EPS15L1: variants seen among roughly 807,000 people sequenced by gnomAD.
EPS15L1 encodes epidermal growth factor receptor substrate 15-like 1.
EPS15L1 carries 43 observed loss-of-function variants against 117.1 expected under a neutral mutation model. The ratio of observed to expected loss-of-function variants is 0.37; its 90% CI spans 0.29 to 0.47. The LOEUF (loss-of-function observed/expected upper bound fraction) is 0.47, where lower values mean the gene tolerates loss of function less well. EPS15L1 is among the 20% of genes least tolerant of loss of function. The pLI is 0.99. For synonymous variants in EPS15L1, 459 were observed against 470.5 expected (o/e 0.98, Z 0.32); for missense variants, 981 against 1,164.0 (o/e 0.84, Z 2.29).
chr19:16,466,161 G>T (rs2145203181), intron 1 of EPS15L1, among the ~76,000 whole-genome samples: 1 of 152,086 alleles, frequency 6.6e-6, no homozygotes, highest in Non-Finnish European at 1.5e-5. Context: ...GCTAATTTTT[G>T]TATTTTAGTA....
At position 16,471,867 on chromosome 19, in the gene EPS15L1, C is replaced by T; in HGVS notation, c.33+46G>A. 1.7e-6 allele frequency: 2 copies of T among 1,197,432 alleles called. No homozygotes were observed. The highest frequency in any genetic ancestry group is 3.4e-5 in the East Asian group (1 of 29,772). The allele number at this position is 1,197,432 out of a possible 1,614,324, so 74.2% of individuals were successfully genotyped here. ...CTCAGCCTCGCCGCACCGCTCGCCT[C>T]GCGCCCCGCACCCCGGCGCCGCCCC... On this transcript the variant is annotated intron_variant, in intron 1 of 23. Transcript: ENST00000455140. The surrounding 1 kb of genome is among the most constrained non-coding windows in gnomAD (Gnocchi z 4.8).
chr19:16,389,439 G>C (rs542425003), intron 19 of EPS15L1, among the ~76,000 whole-genome samples: 1 of 152,244 alleles, frequency 6.6e-6, no homozygotes, highest in East Asian at 1.9e-4. Flanking sequence ...GGGCAACAGA[G>C]TGAGACTCTG....
chr19:16,419,171 C>T (rs1456308478), intron 10 of EPS15L1, among the ~76,000 whole-genome samples: 1 of 152,212 alleles, frequency 6.6e-6, no homozygotes, highest in Non-Finnish European at 1.5e-5. Flanking sequence ...ATCAAGGAGC[C>T]AGCCAGGGCC....
At chr19:16,414,298 G>A (rs1258085928) in intron 12 of EPS15L1, among the ~76,000 whole-genome samples, 1 of 152,104 alleles carries the variant, frequency 6.6e-6, no homozygotes, top group Non-Finnish European at 1.5e-5. Flanking sequence ...AATGAGCCTA[G>A]AAACAGATTC....
At chr19:16,441,836 C>CG (rs1056208937) in intron 3 of EPS15L1, 56 bp downstream of exon 3, 2 of 1,426,976 alleles carry the variant, frequency 1.4e-6, no homozygotes, top group African/African-American at 1.4e-5. Flanking sequence ...CCCTGACCTG[C>CG]GGGGGGAGCT....
chr19:16,455,221 GATCCT>G (rs2093183299), intron 1 of EPS15L1, among the ~76,000 whole-genome samples: 1 of 152,180 alleles, frequency 6.6e-6, no homozygotes, highest in African/African-American at 2.4e-5. Flanking sequence ...GGGCTTAAGT[GATCCT>G]CCTGCCTTAG....
intron 10 of EPS15L1, among the ~76,000 whole-genome samples, chr19:16,420,319 C>T (rs2092801304): frequency 6.6e-6 from 1 of 152,238 alleles, no homozygotes; most frequent in Non-Finnish European, 1.5e-5. Flanking sequence ...TTTCCCTCTA[C>T]TGACCCCTAG....
intron 19 of EPS15L1, among the ~76,000 whole-genome samples, chr19:16,389,681 G>T (rs1163144450): frequency 9.2e-5 from 14 of 152,090 alleles, no homozygotes; most frequent in Non-Finnish European, 1.8e-4. Flanking sequence ...CAGTCTTATG[G>T]AGTTTCTAAT....
chr19:16,360,946 G>A (rs2092042023), intron 23 of EPS15L1, among the ~76,000 whole-genome samples: 1 of 152,094 alleles, frequency 6.6e-6, no homozygotes, highest in African/African-American at 2.4e-5. Context: ...CCCAAAGGAA[G>A]AAAGCGAGGG....
intron 1 of EPS15L1, among the ~76,000 whole-genome samples, chr19:16,461,496 C>T (rs974137526): frequency 1.4e-4 from 21 of 151,694 alleles, no homozygotes; most frequent in African/African-American, 4.9e-4. Context: ...GTGGCATACA[C>T]GTGTGGTCCC....
intron 23 of EPS15L1, chr19:16,357,946 T>G (rs2092004600): frequency 6.6e-6 from 1 of 152,318 alleles, no homozygotes; most frequent in Non-Finnish European, 1.5e-5. Context: ...TGGAAATTAT[T>G]CCATGGTGCT....
intron 22 of EPS15L1, among the ~76,000 whole-genome samples, chr19:16,366,123 A>C (rs1599526329): frequency 6.6e-6 from 1 of 152,314 alleles, no homozygotes; most frequent in African/African-American, 2.4e-5. Flanking sequence ...AAGTGTTTCC[A>C]GGGGAGAAGC....
At chr19:16,411,936 C>G (rs1407288848) in intron 13 of EPS15L1, among the ~76,000 whole-genome samples, 1 of 152,102 alleles carries the variant, frequency 6.6e-6, no homozygotes, top group Non-Finnish European at 1.5e-5. Context: ...TGGGCTCAAG[C>G]GATCCTCCGG....
At chr19:16,433,688 C>T (rs1189101035) in intron 7 of EPS15L1, among the ~76,000 whole-genome samples, 4 of 150,780 alleles carry the variant, frequency 2.7e-5, no homozygotes, top group Admixed American at 1.3e-4. Context: ...TAAAAAAGCC[C>T]GGGTGTGGTG....
At chr19:16,429,758 C>T (rs368301891) in intron 7 of EPS15L1, among the ~76,000 whole-genome samples, 2 of 152,202 alleles carry the variant, frequency 1.3e-5, no homozygotes, top group Non-Finnish European at 2.9e-5. Context: ...CCCAACCCAG[C>T]CTCCACAGAC....
chr19:16,434,421 C>T lies in EPS15L1; in HGVS notation c.442G>A (p.Asp148Asn). 1 of 1,614,210 alleles carries T rather than the reference C, an allele frequency of 6.2e-7. No individual in the cohort carries two copies. Among genetic ancestry groups the T allele is most frequent in the Non-Finnish European group, 8.5e-7 (1 of 1,180,028 alleles). ...LLPINGLLSG[D>N]KVKPVLMNSK... ...TTCATGAGGACTGGCTTGACTTTGTCTCCAGAGAGCAAACCATTGATGGGC... is the reference window on the plus strand; with the variant it reads ...TTCATGAGGACTGGCTTGACTTTGTTTCCAGAGAGCAAACCATTGATGGGC... Residue 148 changes from aspartate to asparagine, a missense_variant, in exon 7 of 24, where the codon GAC becomes AAC. Physicochemically the swap from Asp to Asn is conservative, Grantham distance 23. Transcript: ENST00000455140.
At chr19:16,358,538 C>G (rs557247680) in intron 23 of EPS15L1, among the ~76,000 whole-genome samples, 1 of 152,228 alleles carries the variant, frequency 6.6e-6, no homozygotes. Flanking sequence ...AACCGAGACA[C>G]CGTAGGGGCA....
intron 13 of EPS15L1, chr19:16,413,049 G>A (rs763437415): frequency 4.4e-5 from 32 of 730,646 alleles, no homozygotes; most frequent in African/African-American, 6.9e-5. Flanking sequence ...GACCCGCGCC[G>A]GCCAGTGCAC....
chr19:16,391,564 A>G (rs1392818182), intron 19 of EPS15L1, among the ~76,000 whole-genome samples: 1 of 151,104 alleles, frequency 6.6e-6, no homozygotes, highest in Non-Finnish European at 1.5e-5. Context: ...AAAACGGAAG[A>G]AGGCTATGAA....
Sources: allele counts gnomAD v4.1 joint callset (sites outside exome capture counted in the v4.1 genomes callset), GRCh38; gene constraint gnomAD v4.1.1; non-coding constraint Gnocchi (gnomAD v3.1); transcripts MANE v1.5; gene names NCBI Gene and HGNC (gene_info 2026-07-23, HGNC 2026-07-21).